NELL1: variants seen among roughly 807,000 people sequenced by gnomAD.
The protein encoded by NELL1 is neural EGFL like 1.
In NELL1, 76 loss-of-function variants were observed where a neutral mutation model predicts 107.4. The ratio of observed to expected loss-of-function variants is 0.71; its 90% CI spans 0.59 to 0.86. The LOEUF (loss-of-function observed/expected upper bound fraction) is 0.86, where lower values mean the gene tolerates loss of function less well. NELL1 is among the 40% of genes least tolerant of loss of function. The probability of loss-of-function intolerance (pLI) is 0.00; values close to 1 mark genes in which losing one functional copy is unlikely to be tolerated. For missense variants in NELL1, 1,024 were observed against 1,005.5 expected (o/e 1.02, Z -0.25); for synonymous variants, 353 against 341.2 (o/e 1.03, Z -0.38).
At chr11:21,470,394 C>G (rs1854145784) in intron 15 of NELL1, among the ~76,000 whole-genome samples, 1 of 151,994 alleles carries the variant, frequency 6.6e-6, no homozygotes, top group Admixed American at 6.6e-5. Context: ...CTTCTCTTAC[C>G]TTAAATTTGT....
rs190129715 is a variant in NELL1 at position 21,085,092 on chromosome 11, T to C, written c.1301-28497T>C. On this transcript the variant is annotated intron_variant, in intron 12 of 19. Transcript: ENST00000357134. ...TATCTGGCACCTAAAATTAAATAAA[T>C]GTTAACTATTATTTCTGTGTTTACA... Among the ~76,000 whole-genome samples, 908 of 152,288 alleles carry C rather than the reference T, an allele frequency of 6.0e-3. 5 individuals carry two copies. Among genetic ancestry groups the C allele is most frequent in the South Asian group, 0.014 (69 of 4,832 alleles).
intron 12 of NELL1, among the ~76,000 whole-genome samples, chr11:21,012,520 C>A (rs1162772390): frequency 6.6e-6 from 1 of 152,096 alleles, no homozygotes; most frequent in Non-Finnish European, 1.5e-5. Context: ...CTCTTGCCCA[C>A]TGTCCAGATA....
chr11:20,895,350 C>G (rs1279837998), intron 5 of NELL1, among the ~76,000 whole-genome samples: 1 of 139,622 alleles, frequency 7.2e-6, no homozygotes, highest in East Asian at 2.1e-4. Flanking sequence ...GTATATGTAC[C>G]CTTTAACCAG....
At chr11:20,712,813 G>A (rs1245199694) in intron 2 of NELL1, among the ~76,000 whole-genome samples, 2 of 152,222 alleles carry the variant, frequency 1.3e-5, no homozygotes, top group African/African-American at 2.4e-5. Flanking sequence ...TTTGCAACAA[G>A]TCCTGTGATA....
At chr11:21,436,323 G>A (rs1320239132) in intron 15 of NELL1, among the ~76,000 whole-genome samples, 2 of 152,164 alleles carry the variant, frequency 1.3e-5, no homozygotes, top group South Asian at 2.1e-4. Context: ...GAAGTGCTGG[G>A]ATTACAGGCA....
intron 2 of NELL1, among the ~76,000 whole-genome samples, chr11:20,762,832 C>G (rs1163970289): frequency 6.6e-6 from 1 of 151,972 alleles, no homozygotes; most frequent in Non-Finnish European, 1.5e-5. Flanking sequence ...ATTTGGTATG[C>G]CTGGTATGGG....
intron 1 of NELL1, among the ~76,000 whole-genome samples, chr11:20,674,143 G>A (rs990601905): frequency 1.3e-5 from 2 of 152,066 alleles, no homozygotes; most frequent in Admixed American, 1.3e-4. Context: ...TTTGAGTTGC[G>A]GGCAGGGAGT....
At chr11:21,398,755 A>G (rs1000396861) in intron 15 of NELL1, among the ~76,000 whole-genome samples, 12 of 151,794 alleles carry the variant, frequency 7.9e-5, no homozygotes, top group African/African-American at 2.9e-4. Context: ...TATAATGCTT[A>G]AAAATCTACT....
At chr11:21,298,832 T>C (rs1010901172) in intron 14 of NELL1, among the ~76,000 whole-genome samples, 4 of 151,950 alleles carry the variant, frequency 2.6e-5, no homozygotes, top group African/African-American at 9.7e-5. Context: ...AATGACCCTG[T>C]CACTCTTCTA....
intron 14 of NELL1, among the ~76,000 whole-genome samples, chr11:21,360,333 T>A (rs1851046595): frequency 6.6e-6 from 1 of 152,208 alleles, no homozygotes; most frequent in Admixed American, 6.5e-5. Flanking sequence ...CCAGTTTTAT[T>A]CCACTGGGGT....
At chr11:21,222,155 G>T (rs1857773311) in intron 13 of NELL1, among the ~76,000 whole-genome samples, 2 of 151,866 alleles carry the variant, frequency 1.3e-5, no homozygotes, top group South Asian at 4.2e-4. Context: ...TTGTTTCTTT[G>T]ATCTTTTGTA....
At chr11:20,707,055 T>G (rs1470114735) in intron 2 of NELL1, among the ~76,000 whole-genome samples, 1 of 152,168 alleles carries the variant, frequency 6.6e-6, no homozygotes, top group African/African-American at 2.4e-5. Flanking sequence ...CTTGGAGGCT[T>G]TGTTCATTTT....
In NELL1 at chr11:21,368,890, C is replaced by G. The variant is rs76396941; in HGVS notation, c.1550-1963C>G. Among the ~76,000 whole-genome samples the G allele has an allele frequency of 4.2e-3, 636 of 152,144 alleles. 6 individuals carry two copies. Among genetic ancestry groups the G allele is most frequent in the African/African-American group, 0.015 (609 of 41,520 alleles). ...TATGTGCCGAACACCATTTTAAGTT[C>G]TTTGTAAATGTTAACTTATTTAATC... is the stretch of plus-strand genomic sequence containing the variant. On this transcript the variant is annotated intron_variant, in intron 14 of 19. Transcript: ENST00000357134.
chr11:21,503,596 A>G (rs1855205009), intron 15 of NELL1, among the ~76,000 whole-genome samples: 2 of 152,200 alleles, frequency 1.3e-5, no homozygotes, highest in Non-Finnish European at 2.9e-5. Context: ...AGCATATACC[A>G]AGTACAGAGA....
chr11:21,121,366 A>G lies in NELL1; in HGVS notation c.1426+7652A>G, dbSNP rs75397899. ...CTTCCAAAGCTGCACTCTGAGATGT[A>G]TAAGACGCTGGATAGACAATGACTG... On this transcript the variant is annotated intron_variant, in intron 13 of 19. Coordinates refer to ENST00000357134, the MANE Select transcript of NELL1 (RefSeq NM_006157.5). 3.1e-3 allele frequency among the ~76,000 whole-genome samples: 465 copies of G among 152,260 alleles called. 4 individuals carry two copies. The highest frequency in any genetic ancestry group is 0.011 in the African/African-American group (446 of 41,554).
intron 2 of NELL1, among the ~76,000 whole-genome samples, chr11:20,717,833 T>C (rs182236264): frequency 6.6e-6 from 1 of 152,336 alleles, no homozygotes; most frequent in African/African-American, 2.4e-5. Flanking sequence ...TCTACTTGTT[T>C]TGTCTTCCAT....
intron 3 of NELL1, among the ~76,000 whole-genome samples, chr11:20,802,686 C>T (rs1249216999): frequency 6.6e-6 from 1 of 152,076 alleles, no homozygotes; most frequent in Non-Finnish European, 1.5e-5. Context: ...CCATTCAGTA[C>T]TATGATAGCT....
At chr11:21,048,568 G>A (rs1383900562) in intron 12 of NELL1, among the ~76,000 whole-genome samples, 2 of 151,976 alleles carry the variant, frequency 1.3e-5, no homozygotes, top group Admixed American at 6.6e-5. Context: ...AACCTGCTGG[G>A]TTCCTTTTAA....
intron 3 of NELL1, among the ~76,000 whole-genome samples, chr11:20,799,643 C>T (rs1268629619): frequency 1.7e-5 from 2 of 119,014 alleles, no homozygotes; most frequent in African/African-American, 6.3e-5. Context: ...CTGGAGACAG[C>T]CAGAAGTATG....
Sources: gnomAD v4.1 joint callset for allele counts (sites outside exome capture counted in the v4.1 genomes callset) on GRCh38, gnomAD v4.1.1 for gene constraint, MANE v1.5 for transcripts, NCBI Gene and HGNC (gene_info 2026-07-23, HGNC 2026-07-21) for gene names.